PRKG1: variants seen among roughly 807,000 people sequenced by gnomAD.
PRKG1 encodes protein kinase cGMP-dependent 1, also known as cGMP-dependent protein kinase 1.
In PRKG1, 35 loss-of-function variants were observed where a neutral mutation model predicts 88.1. The observed-to-expected ratio is 0.40, with a 90% CI of 0.30 to 0.53. The LOEUF (loss-of-function observed/expected upper bound fraction) is 0.53. Ranked by LOEUF, PRKG1 falls within the 20% of genes least tolerant of loss-of-function variation. PRKG1 has a pLI of 0.59. For synonymous variants in PRKG1, 303 were observed against 292.5 expected (o/e 1.04, Z -0.37); for missense variants, 540 against 839.8 (o/e 0.64, Z 4.41).
At chr10:51,010,666 A>G (rs895287017) in intron 1 of PRKG1, among the ~76,000 whole-genome samples, 94 of 152,352 alleles carry the variant, frequency 6.2e-4, no homozygotes, top group African/African-American at 2.2e-3. Context: ...GAAGATGTGA[A>G]GTGCTTGTTC....
At chr10:52,085,226 A>G (rs1228457869) in intron 7 of PRKG1, among the ~76,000 whole-genome samples, 2 of 151,978 alleles carry the variant, frequency 1.3e-5, no homozygotes, top group Non-Finnish European at 2.9e-5. Flanking sequence ...GAGCATGCAA[A>G]TGTTCTGCTC....
chr10:51,897,425 T>C (rs1025736331), intron 4 of PRKG1, among the ~76,000 whole-genome samples: 1 of 152,184 alleles, frequency 6.6e-6, no homozygotes, highest in Non-Finnish European at 1.5e-5. Flanking sequence ...TGTATGCTTC[T>C]TCCTAGGTAG....
chr10:51,262,165 C>T (rs1189613293), intron 2 of PRKG1, among the ~76,000 whole-genome samples: 4 of 152,078 alleles, frequency 2.6e-5, no homozygotes, highest in African/African-American at 9.7e-5. Flanking sequence ...GGATTACAGG[C>T]TTGAGCCACT....
intron 1 of PRKG1, among the ~76,000 whole-genome samples, chr10:51,111,757 C>T (rs74131744): frequency 0.029 from 4,445 of 152,218 alleles, 170 homozygotes; most frequent in African/African-American, 0.084. Context: ...GAGATATTTA[C>T]AAAGCTCTCT....
At chr10:51,569,832 A>G (rs1367496634) in intron 3 of PRKG1, among the ~76,000 whole-genome samples, 1 of 151,956 alleles carries the variant, frequency 6.6e-6, no homozygotes, top group South Asian at 2.1e-4. Flanking sequence ...TAAGTGAAAT[A>G]ATGCATATAA....
At chr10:51,444,226 G>A (rs113840449) in intron 2 of PRKG1, among the ~76,000 whole-genome samples, 2,400 of 151,568 alleles carry the variant, frequency 0.016, 55 homozygotes, top group Middle Eastern at 0.024. Flanking sequence ...GAAACAGTGA[G>A]GGCATTTGCA....
At chr10:51,110,079 T>C (rs912490028) in intron 1 of PRKG1, among the ~76,000 whole-genome samples, 3 of 152,066 alleles carry the variant, frequency 2.0e-5, no homozygotes, top group African/African-American at 7.2e-5. Flanking sequence ...GAAACGAACT[T>C]ATACACTGAC....
intron 2 of PRKG1, among the ~76,000 whole-genome samples, chr10:51,327,843 A>G (rs1410811587): frequency 1.3e-5 from 2 of 152,240 alleles, no homozygotes; most frequent in Non-Finnish European, 2.9e-5. Context: ...TTCATCACTG[A>G]CCGAAATATC....
At chr10:51,350,543 AT>A (rs1212177448) in intron 2 of PRKG1, among the ~76,000 whole-genome samples, 1 of 152,226 alleles carries the variant, frequency 6.6e-6, no homozygotes, top group Admixed American at 6.5e-5. Context: ...CACTTTCAGC[AT>A]TGTTACTCAA....
intron 1 of PRKG1, among the ~76,000 whole-genome samples, chr10:51,109,763 A>G (rs1589159195): frequency 6.6e-6 from 1 of 152,302 alleles, no homozygotes; most frequent in Non-Finnish European, 1.5e-5. Flanking sequence ...ATTGAACAGC[A>G]TCAAATTAAA....
At chr10:51,750,749 A>G (rs1837703227) in intron 3 of PRKG1, among the ~76,000 whole-genome samples, 1 of 152,228 alleles carries the variant, frequency 6.6e-6, no homozygotes, top group African/African-American at 2.4e-5. Context: ...CACGAAACAT[A>G]AAGATCACAA....
chr10:51,015,323 G>A (rs1482048623), intron 1 of PRKG1, among the ~76,000 whole-genome samples: 2 of 152,066 alleles, frequency 1.3e-5, no homozygotes, highest in Admixed American at 1.3e-4. Context: ...AACCTACTAT[G>A]TTCAAGATAT....
intron 2 of PRKG1, among the ~76,000 whole-genome samples, chr10:51,204,834 A>G (rs2132061486): frequency 6.6e-6 from 1 of 152,246 alleles, no homozygotes; most frequent in South Asian, 2.1e-4. Flanking sequence ...AAAGCACTGA[A>G]TAGATCATTT....
At chr10:51,606,047 T>C (rs1395097620) in intron 3 of PRKG1, among the ~76,000 whole-genome samples, 1 of 152,228 alleles carries the variant, frequency 6.6e-6, no homozygotes, top group Non-Finnish European at 1.5e-5. Context: ...TTTATCATTT[T>C]TTTAATTACA....
chr10:52,133,805 G>A (rs201176019), intron 7 of PRKG1, 35 bp from the exon 8 acceptor site: 1 of 1,569,210 alleles, frequency 6.4e-7, no homozygotes. Flanking sequence ...GATATTAAAG[G>A]TTATTTTATT....
intron 1 of PRKG1, among the ~76,000 whole-genome samples, chr10:51,065,525 G>A (rs1211483770): frequency 6.6e-6 from 1 of 152,012 alleles, no homozygotes; most frequent in Non-Finnish European, 1.5e-5. Context: ...TTAAAGTTAA[G>A]CCTCTGATAT....
intron 17 of PRKG1, among the ~76,000 whole-genome samples, chr10:52,293,029 A>C (rs1842291522): frequency 6.6e-6 from 1 of 152,050 alleles, no homozygotes; most frequent in African/African-American, 2.4e-5. Flanking sequence ...CTCAGCCCAA[A>C]ATCTCCTTAA....
At chr10:52,243,629 T>C (rs1487470922) in intron 9 of PRKG1, among the ~76,000 whole-genome samples, 1 of 152,162 alleles carries the variant, frequency 6.6e-6, no homozygotes, top group Non-Finnish European at 1.5e-5. Flanking sequence ...GGTCCTAATT[T>C]TTCCGGTGTT....
At chr10:51,540,399 A>T (rs1368734309) in intron 3 of PRKG1, among the ~76,000 whole-genome samples, 2 of 152,216 alleles carry the variant, frequency 1.3e-5, no homozygotes, top group Admixed American at 1.3e-4. Flanking sequence ...ATATTGAGTA[A>T]GAATAATTCT....
Sources: gnomAD v4.1 joint callset for allele counts (sites outside exome capture counted in the v4.1 genomes callset) on GRCh38, gnomAD v4.1.1 for gene constraint, MANE v1.5 for transcripts, NCBI Gene and HGNC (gene_info 2026-07-23, HGNC 2026-07-21) for gene names.